Variants in IL1R1 observed in about 807,000 individuals in gnomAD.
The protein encoded by IL1R1 is interleukin-1 receptor type 1.
IL1R1 carries 22 observed loss-of-function variants against 50.2 expected under a neutral mutation model. That is an observed-to-expected ratio of 0.44 (90% CI 0.31 to 0.63). IL1R1 has a LOEUF of 0.63. Ranked by LOEUF, IL1R1 falls within the 20% of genes least tolerant of loss-of-function variation. The pLI, the probability that IL1R1 is intolerant of heterozygous loss-of-function variation, is 0.07. For missense variants in IL1R1, 509 were observed against 676.2 expected (o/e 0.75, Z 2.74); for synonymous variants, 251 against 236.7 (o/e 1.06, Z -0.55).
chr2:102,107,470 C>T (rs1680480795), intron 1 of IL1R1, among the ~76,000 whole-genome samples: 1 of 144,562 alleles, frequency 6.9e-6, no homozygotes, highest in South Asian at 2.3e-4. Context: ...GGGTGGGGAA[C>T]ATCACACACC....
chr2:102,133,369 G>A (rs1237872118), intron 1 of IL1R1, among the ~76,000 whole-genome samples: 1 of 151,814 alleles, frequency 6.6e-6, no homozygotes, highest in East Asian at 1.9e-4. Flanking sequence ...CCAGAAAATT[G>A]AATAGGAGTA....
chr2:102,078,073 T>C (rs1234361258), intron 1 of IL1R1, among the ~76,000 whole-genome samples: 1 of 152,032 alleles, frequency 6.6e-6, no homozygotes, highest in Non-Finnish European at 1.5e-5. Flanking sequence ...GCTAAAGCTA[T>C]ACATAGAGAA....
At chr2:102,086,060 A>G (rs1233530328) in intron 1 of IL1R1, among the ~76,000 whole-genome samples, 1 of 152,170 alleles carries the variant, frequency 6.6e-6, no homozygotes, top group African/African-American at 2.4e-5. Flanking sequence ...GATAGAAATA[A>G]AAGTGATTTT....
At chr2:102,149,158 A>T (rs1683424115) in intron 1 of IL1R1, among the ~76,000 whole-genome samples, 2 of 152,156 alleles carry the variant, frequency 1.3e-5, no homozygotes, top group African/African-American at 4.8e-5. Context: ...CAGTTATGGC[A>T]AATAAGTTGG....
At chr2:102,134,490 T>C (rs189708871) in intron 1 of IL1R1, among the ~76,000 whole-genome samples, 5 of 152,268 alleles carry the variant, frequency 3.3e-5, no homozygotes, top group African/African-American at 9.6e-5. Flanking sequence ...GTGATTCTTC[T>C]GCCTCAGCCT....
At chr2:102,171,533 A>G (rs894287620) in intron 7 of IL1R1, among the ~76,000 whole-genome samples, 7 of 152,194 alleles carry the variant, frequency 4.6e-5, no homozygotes, top group African/African-American at 1.7e-4. Context: ...AAGACAAATC[A>G]TGTGGGCCCA....
intron 1 of IL1R1, among the ~76,000 whole-genome samples, chr2:102,091,047 A>G (rs1165452985): frequency 6.6e-6 from 1 of 152,160 alleles, no homozygotes; most frequent in African/African-American, 2.4e-5. Flanking sequence ...CTCAATTGAG[A>G]CTTTTCTGGG....
At chr2:102,151,602 A>G (rs1458508189) in intron 1 of IL1R1, among the ~76,000 whole-genome samples, 1 of 152,154 alleles carries the variant, frequency 6.6e-6, no homozygotes, top group African/African-American at 2.4e-5. Context: ...AAGGCCAACA[A>G]CTAGGGAGCT....
intron 3 of IL1R1, among the ~76,000 whole-genome samples, chr2:102,161,522 G>A (rs559915490): frequency 1.3e-5 from 2 of 151,950 alleles, no homozygotes; most frequent in African/African-American, 2.4e-5. Context: ...TTGTTCTATC[G>A]GTCCTTGTGA....
chr2:102,115,732 G>T (rs1472233985), intron 1 of IL1R1, among the ~76,000 whole-genome samples: 4 of 152,152 alleles, frequency 2.6e-5, no homozygotes, highest in Non-Finnish European at 1.5e-5. Flanking sequence ...TTGAGCTGGA[G>T]GAGAAAGAAG....
At chr2:102,127,713 A>G (rs367895862) in intron 1 of IL1R1, among the ~76,000 whole-genome samples, 411 of 151,108 alleles carry the variant, frequency 2.7e-3, no homozygotes, top group Non-Finnish European at 4.4e-3. Flanking sequence ...GCAACATCCA[A>G]TGATCTGGGA....
chr2:102,103,631 A>G (rs1269087987), upstream of IL1R1, among the ~76,000 whole-genome samples: 3 of 152,096 alleles, frequency 2.0e-5, no homozygotes, highest in East Asian at 5.8e-4. Context: ...TAGCGTTGTG[A>G]TAGGCTGGAC....
chr2:102,144,875 C>G (rs886351145), intron 1 of IL1R1, among the ~76,000 whole-genome samples: 1 of 152,096 alleles, frequency 6.6e-6, no homozygotes, highest in Non-Finnish European at 1.5e-5. Flanking sequence ...TGTGGTGTCC[C>G]TTGCCTCAGT....
intron 1 of IL1R1, among the ~76,000 whole-genome samples, chr2:102,129,560 G>T (rs2104412649): frequency 6.6e-6 from 1 of 152,330 alleles, no homozygotes; most frequent in Non-Finnish European, 1.5e-5. Context: ...TAAAGGAGCA[G>T]TTCAAATCTC....
chr2:102,099,870 C>A (rs1248201082), upstream of IL1R1, among the ~76,000 whole-genome samples: 1 of 152,194 alleles, frequency 6.6e-6, no homozygotes, highest in Non-Finnish European at 1.5e-5. Context: ...TGTGTTAAGT[C>A]TCACTATGTT....
intron 1 of IL1R1, among the ~76,000 whole-genome samples, chr2:102,091,838 T>C (rs1679680708): frequency 6.6e-6 from 1 of 152,232 alleles, no homozygotes; most frequent in South Asian, 2.1e-4. Flanking sequence ...CTTCATGGGA[T>C]TAACTTTTTA....
chr2:102,081,147 G>T (rs74427073), intron 1 of IL1R1, among the ~76,000 whole-genome samples: 1 of 152,072 alleles, frequency 6.6e-6, no homozygotes, highest in Non-Finnish European at 1.5e-5. Context: ...TGATGGGTGC[G>T]CAACTCTATG....
Position 102,172,733 on chromosome 2 carries a change from C to G in IL1R1, c.886C>G (p.Leu296Val), listed in dbSNP as rs201962166. Residue 296 changes from leucine to valine, a missense_variant, in exon 9 of 12, where the codon CTT (leucine) becomes GTT (valine). By Grantham distance (32) the Leu-to-Val change is conservative. Transcript: ENST00000410023. ...AAGAAGGAGTACCCTCATCACAGTG[C>G]TTAATATATCGGAAATTGAAAGTAG... The part of the protein sequence containing the change: ...NKRRSTLITV[L>V]NISEIESRFY... The G allele has an allele frequency of 6.2e-7, 1 of 1,612,494 alleles. No individual in the cohort carries two copies. Among genetic ancestry groups the G allele is most frequent in the Non-Finnish European group, 8.5e-7 (1 of 1,178,708 alleles).
chr2:102,109,198 G>GTC (rs952430441), intron 1 of IL1R1, among the ~76,000 whole-genome samples: 19 of 152,210 alleles, frequency 1.2e-4, no homozygotes, highest in African/African-American at 4.6e-4. Flanking sequence ...GTGAGGGTAG[G>GTC]TCGGACTGAA....
Sources: allele counts gnomAD v4.1 joint callset (sites outside exome capture counted in the v4.1 genomes callset), GRCh38; gene constraint gnomAD v4.1.1; transcripts MANE v1.5; gene names NCBI Gene and HGNC (gene_info 2026-07-23, HGNC 2026-07-21).